SEMA3C: variants seen among roughly 807,000 people sequenced by gnomAD.
The protein encoded by SEMA3C is semaphorin 3C, also known as semaphorin-3C.
SEMA3C carries 47 observed loss-of-function variants against 89.4 expected under a neutral mutation model. That is an observed-to-expected ratio of 0.53 (90% confidence interval 0.42 to 0.67). SEMA3C has a LOEUF of 0.67. Ranked by LOEUF, SEMA3C falls within the 30% of genes least tolerant of loss-of-function variation. The pLI is 0.00. For missense variants in SEMA3C, 839 were observed against 929.1 expected (o/e 0.90, Z 1.26); for synonymous variants, 310 against 320.2 (o/e 0.97, Z 0.34).
chr7:80,855,038 A>G (rs1790605660), intron 2 of SEMA3C, among the ~76,000 whole-genome samples: 1 of 152,192 alleles, frequency 6.6e-6, no homozygotes. Flanking sequence ...TATTAGAATA[A>G]TATACAATAT....
At chr7:80,919,472 A>G (rs1294977791), upstream of SEMA3C, 4 of 775,778 alleles carry the variant, frequency 5.2e-6, no homozygotes, top group African/African-American at 3.8e-5. Flanking sequence ...GTGGTTTTTT[A>G]TTTTTGCCAG....
At chr7:80,812,419 C>A (rs1789489782) in intron 5 of SEMA3C, among the ~76,000 whole-genome samples, 1 of 152,172 alleles carries the variant, frequency 6.6e-6, no homozygotes, top group African/African-American at 2.4e-5. Context: ...AAAAGATCTT[C>A]ATTCATGTAA....
At chr7:80,910,990 C>T (rs940311397) in intron 2 of SEMA3C, among the ~76,000 whole-genome samples, 4 of 151,552 alleles carry the variant, frequency 2.6e-5, no homozygotes, top group African/African-American at 9.7e-5. Context: ...CTGACTTGCT[C>T]GCATAGGCAC....
At chr7:80,802,347 A>C (rs2115670495) in intron 9 of SEMA3C, among the ~76,000 whole-genome samples, 1 of 152,266 alleles carries the variant, frequency 6.6e-6, no homozygotes, top group East Asian at 1.9e-4. Flanking sequence ...ATATACATGA[A>C]ATAAATATTC....
chr7:80,776,361 G>A (rs937183098), intron 12 of SEMA3C, among the ~76,000 whole-genome samples: 3 of 151,256 alleles, frequency 2.0e-5, no homozygotes, highest in Admixed American at 6.6e-5. Context: ...ATTCATTCTC[G>A]TTTTGCACTT....
Position 80,748,897 on chromosome 7 carries a change from CCT to C in SEMA3C, c.1841_1842del (p.Glu614GlyfsTer2). The C allele has an allele frequency of 6.2e-7, 1 of 1,609,778 alleles. No homozygotes were observed. On this transcript the variant is annotated frameshift_variant and splice_region_variant, in exon 17 of 18. Transcript: ENST00000265361. LOFTEE classifies it high-confidence loss of function. ...LLQKDKDRRK[E>X]VKLNERIIAT... is the part of the protein sequence containing the mutation. ...GATTGCTGCTGTGCTGCTTTACTCACCTCTTTCCTCCTGTCTTTGTCTTTCTG... is the reference window on the plus strand; with the variant it reads ...GATTGCTGCTGTGCTGCTTTACTCACCTTTCCTCCTGTCTTTGTCTTTCTG...
intron 2 of SEMA3C, among the ~76,000 whole-genome samples, chr7:80,856,569 T>A (rs1047752119): frequency 1.3e-4 from 16 of 120,456 alleles, no homozygotes; most frequent in South Asian, 2.7e-4. Context: ...TAGGTTGGAA[T>A]AGGAATTTAT....
chr7:80,872,132 C>T (rs186018041), intron 2 of SEMA3C, among the ~76,000 whole-genome samples: 249 of 151,998 alleles, frequency 1.6e-3, no homozygotes, highest in Non-Finnish European at 2.8e-3. Flanking sequence ...CAATATTTTA[C>T]GTTTTTCTCA....
chr7:80,910,436 TA>T (rs1389982852), intron 2 of SEMA3C, among the ~76,000 whole-genome samples: 8 of 152,322 alleles, frequency 5.3e-5, no homozygotes, highest in South Asian at 4.1e-4. Context: ...AGTGCTACCC[TA>T]AAATAGCACA....
At chr7:80,843,073 G>C (rs746538634) in intron 2 of SEMA3C, among the ~76,000 whole-genome samples, 8 of 152,090 alleles carry the variant, frequency 5.3e-5, no homozygotes, top group Non-Finnish European at 7.4e-5. Context: ...TGCAGATAAA[G>C]AGAAGTTGGT....
chr7:80,839,122 C>A (rs548874819), intron 2 of SEMA3C, among the ~76,000 whole-genome samples: 3 of 152,248 alleles, frequency 2.0e-5, no homozygotes, highest in African/African-American at 7.2e-5. Context: ...TCATGAGAGA[C>A]TGAACTGGCA....
intron 2 of SEMA3C, among the ~76,000 whole-genome samples, chr7:80,848,580 C>T (rs1562904196): frequency 6.6e-6 from 1 of 152,126 alleles, no homozygotes; most frequent in Admixed American, 6.6e-5. Context: ...TAAAGTTAGC[C>T]TTCTTTATAA....
intron 12 of SEMA3C, among the ~76,000 whole-genome samples, chr7:80,768,716 T>G (rs899649133): frequency 6.6e-6 from 1 of 152,096 alleles, no homozygotes; most frequent in Non-Finnish European, 1.5e-5. Flanking sequence ...CAGTGGAAAC[T>G]TCTAGGGAAA....
At chr7:80,784,452 G>C (rs1788757326) in intron 12 of SEMA3C, among the ~76,000 whole-genome samples, 1 of 148,284 alleles carries the variant, frequency 6.7e-6, no homozygotes, top group South Asian at 2.1e-4. Context: ...TTTTAACAAA[G>C]TAGCAGCATT....
intron 2 of SEMA3C, among the ~76,000 whole-genome samples, chr7:80,858,660 G>A (rs1434340231): frequency 6.6e-6 from 1 of 152,072 alleles, no homozygotes; most frequent in African/African-American, 2.4e-5. Flanking sequence ...AAAATGAAAA[G>A]GCTATTTTTA....
intron 4 of SEMA3C, among the ~76,000 whole-genome samples, chr7:80,823,073 C>A (rs1189456894): frequency 2.0e-5 from 3 of 152,110 alleles, no homozygotes; most frequent in Admixed American, 6.6e-5. Flanking sequence ...CATTATACAG[C>A]ATATAATAAA....
intron 5 of SEMA3C, 43 bp from the exon 6 acceptor site, chr7:80,810,744 T>C: frequency 7.1e-7 from 1 of 1,404,458 alleles, no homozygotes; most frequent in South Asian, 1.2e-5. Context: ...TGATAACTTA[T>C]TTAGTGAAGA....
chr7:80,860,735 A>G (rs1790751934), intron 2 of SEMA3C, among the ~76,000 whole-genome samples: 1 of 152,158 alleles, frequency 6.6e-6, no homozygotes, highest in Non-Finnish European at 1.5e-5. Flanking sequence ...GCATTCAATC[A>G]AAAGGCATGA....
rs531659612 is a variant in SEMA3C at position 80,783,186 on chromosome 7, A to G, written c.1354+6120T>C. ...GCAATGAGCTGTATTTTTATTTTTA[A>G]TAAGTTCTCTTTTTAGAGTAAAATG... On this transcript the variant is annotated intron_variant, in intron 12 of 17. Transcript: ENST00000265361. Among the ~76,000 whole-genome samples the G allele has an allele frequency of 3.3e-5, 5 of 152,258 alleles. No individual in the cohort carries two copies. In the South Asian group the frequency reaches 8.3e-4, roughly 25 times the overall value.
Sources: gnomAD v4.1 joint callset for allele counts (sites outside exome capture counted in the v4.1 genomes callset) on GRCh38, gnomAD v4.1.1 for gene constraint, MANE v1.5 for transcripts, NCBI Gene and HGNC (gene_info 2026-07-23, HGNC 2026-07-21) for gene names.